QTMAN: variants seen among roughly 807,000 people sequenced by gnomAD.
QTMAN encodes the protein tRNA-queuosine alpha-mannosyltransferase.
the QTMAN span, among the ~76,000 whole-genome samples, chr2:144,104,616 G>A: frequency 0.04 from 6,106 of 152,298 alleles, 171 homozygotes; most frequent in East Asian, 0.077. Flanking sequence ...CAGGAAGCTC[G>A]AACTGGGTGG....
At chr2:144,327,743 G>A in the QTMAN span, among the ~76,000 whole-genome samples, 6 of 152,024 alleles carry the variant, frequency 3.9e-5, no homozygotes, top group Non-Finnish European at 8.8e-5. Flanking sequence ...ACCTACCTAT[G>A]GATAAGAATA....
chr2:144,013,815 G>A, the QTMAN span, among the ~76,000 whole-genome samples: 5 of 152,044 alleles, frequency 3.3e-5, no homozygotes, highest in African/African-American at 9.7e-5. Flanking sequence ...CAAACAATGT[G>A]GTGGAAATTA....
the QTMAN span, among the ~76,000 whole-genome samples, chr2:144,111,372 G>A: frequency 6.6e-6 from 1 of 152,116 alleles, no homozygotes; most frequent in Non-Finnish European, 1.5e-5. Flanking sequence ...CCTTTTCCAT[G>A]GATCTCTGGC....
the QTMAN span, among the ~76,000 whole-genome samples, chr2:144,272,282 A>T: frequency 6.6e-6 from 1 of 152,186 alleles, no homozygotes; most frequent in South Asian, 2.1e-4. Flanking sequence ...AATTGTTGAA[A>T]ATGTGGGTTT....
At chr2:144,106,767 C>A in the QTMAN span, among the ~76,000 whole-genome samples, 2 of 152,208 alleles carry the variant, frequency 1.3e-5, no homozygotes, top group Admixed American at 1.3e-4. Flanking sequence ...TAATAGACAT[C>A]TACAGAACTC....
At chr2:144,052,309 G>A in the QTMAN span, among the ~76,000 whole-genome samples, 1 of 152,196 alleles carries the variant, frequency 6.6e-6, no homozygotes, top group South Asian at 2.1e-4. Flanking sequence ...TATGCAGGAT[G>A]AAGTAATCTA....
the QTMAN span, among the ~76,000 whole-genome samples, chr2:144,194,389 A>C: frequency 6.6e-6 from 1 of 152,202 alleles, no homozygotes; most frequent in African/African-American, 2.4e-5. Flanking sequence ...TTCTAGTCCA[A>C]GGCCCTTTCC....
At chr2:144,231,554 T>C in the QTMAN span, among the ~76,000 whole-genome samples, 1 of 152,142 alleles carries the variant, frequency 6.6e-6, no homozygotes, top group Admixed American at 6.6e-5. Context: ...ATACAATTTA[T>C]TGTCTATAAA....
the QTMAN span, among the ~76,000 whole-genome samples, chr2:144,233,576 T>G: frequency 6.6e-6 from 1 of 152,196 alleles, no homozygotes; most frequent in African/African-American, 2.4e-5. Flanking sequence ...ACAAAACATT[T>G]TGGCTGCAAG....
At chr2:144,132,506 A>C in the QTMAN span, among the ~76,000 whole-genome samples, 1 of 152,084 alleles carries the variant, frequency 6.6e-6, no homozygotes, top group Non-Finnish European at 1.5e-5. Flanking sequence ...TTCATCACCC[A>C]TGTGGAATGT....
At chr2:144,265,274 C>T in the QTMAN span, among the ~76,000 whole-genome samples, 4 of 152,216 alleles carry the variant, frequency 2.6e-5, no homozygotes, top group Admixed American at 2.0e-4. Flanking sequence ...AGTCCAGTCA[C>T]TTGAGGCCTG....
the QTMAN span, among the ~76,000 whole-genome samples, chr2:144,163,651 T>G: frequency 9.2e-3 from 1,407 of 152,312 alleles, 19 homozygotes; most frequent in African/African-American, 0.032. Flanking sequence ...CAATGCAAAT[T>G]ATATGGCAAA....
the QTMAN span, among the ~76,000 whole-genome samples, chr2:144,189,682 C>T: frequency 6.6e-6 from 1 of 151,906 alleles, no homozygotes; most frequent in African/African-American, 2.4e-5. Context: ...TCCAGCGGTG[C>T]GATCTCGGCT....
At chr2:144,058,584 G>T in the QTMAN span, among the ~76,000 whole-genome samples, 21 of 152,162 alleles carry the variant, frequency 1.4e-4, no homozygotes, top group African/African-American at 4.6e-4. Context: ...CCAATTTCTG[G>T]CTTCTAATTT....
At chr2:143,945,603 C>G in the QTMAN span, 2 of 152,266 alleles carry the variant, frequency 1.3e-5, no homozygotes, top group African/African-American at 4.8e-5. Flanking sequence ...TACTGGACTT[C>G]CGAATCATTG....
chr2:144,118,884 A>G, the QTMAN span, among the ~76,000 whole-genome samples: 1 of 151,866 alleles, frequency 6.6e-6, no homozygotes, highest in Non-Finnish European at 1.5e-5. Flanking sequence ...TCATCTCAAA[A>G]TAAATAAATA....
the QTMAN span, among the ~76,000 whole-genome samples, chr2:144,055,420 TAGGTAATTAAAAA>T: frequency 4.0e-5 from 6 of 151,792 alleles, no homozygotes; most frequent in Non-Finnish European, 7.4e-5. Flanking sequence ...TTTTTTTTTT[TAGGTAATTAAAAA>T]AGGAAGAAGG....
chr2:144,004,170 C>G, the QTMAN span, among the ~76,000 whole-genome samples: 1 of 151,928 alleles, frequency 6.6e-6, no homozygotes, highest in South Asian at 2.1e-4. Flanking sequence ...AGAAAACCCC[C>G]CTTTTCAAGC....
At chr2:144,328,968 A>G in the QTMAN span, among the ~76,000 whole-genome samples, 4 of 152,214 alleles carry the variant, frequency 2.6e-5, no homozygotes, top group Middle Eastern at 3.4e-3. Context: ...TTTTTTTAAA[A>G]AATAACCAGG....
Sources: gnomAD v4.1 joint callset for allele counts (sites outside exome capture counted in the v4.1 genomes callset) on GRCh38, gnomAD v4.1.1 for gene constraint, MANE v1.5 for transcripts, NCBI Gene and HGNC (gene_info 2026-07-23, HGNC 2026-07-21) for gene names.